TMX4: variants seen among roughly 807,000 people sequenced by gnomAD.
The protein encoded by TMX4 is thioredoxin-related transmembrane protein 4.
Under a neutral mutation model 33.3 loss-of-function variants are expected in TMX4, and 23 were observed. The observed-to-expected ratio is 0.69, with a 90% CI of 0.50 to 0.98. TMX4 has a LOEUF of 0.98. Among genes scored for constraint, TMX4 ranks in the 50% least tolerant of loss-of-function variants. The probability of loss-of-function intolerance (pLI) is 0.00; values close to 1 mark genes in which losing one functional copy is unlikely to be tolerated. For missense variants in TMX4, 399 were observed against 448.9 expected (o/e 0.89, Z 1.01); for synonymous variants, 164 against 161.5 (o/e 1.02, Z -0.12).
In TMX4 at chr20:7,999,721, A is replaced by T. The variant is rs1281556195; in HGVS notation, c.467+11T>A. The T allele has an allele frequency of 1.2e-6, 2 of 1,607,156 alleles. No individual in the cohort carries two copies. Among genetic ancestry groups the T allele is most frequent in the Non-Finnish European group, 1.7e-6 (2 of 1,178,102 alleles). On this transcript the variant is annotated intron_variant, in intron 4 of 7. Transcript: ENST00000246024. ...TTATTAGTAACACCTTGTCTTAAAA[A>T]ATTGAGTTACGTTAGAGAAGCCGGG...
In TMX4 at chr20:8,017,373, A is replaced by C. The variant is rs750685202; in HGVS notation, c.176+2065T>G. On this transcript the variant is annotated intron_variant, in intron 1 of 7. Coordinates refer to ENST00000246024, the MANE Select transcript of TMX4 (RefSeq NM_021156.4). ...CAGATTACAAGACTCATCTGGCATC[A>C]CAGGCCAAGCATATTCCATACAACT... Among the ~76,000 whole-genome samples, 4 of 152,238 alleles carry C rather than the reference A, an allele frequency of 2.6e-5. No homozygotes were observed. In the East Asian group the frequency reaches 7.7e-4, roughly 29 times the overall value.
chr20:7,985,736 G>C (rs1027351732), intron 6 of TMX4, among the ~76,000 whole-genome samples: 22 of 151,996 alleles, frequency 1.4e-4, no homozygotes, highest in African/African-American at 5.1e-4. Flanking sequence ...TTCTTATTAA[G>C]GAAGGGTAGT....
rs2050595830 is a variant in TMX4, at chr20:7,979,529, C to T, written c.*2722G>A. 1 of 151,798 alleles carries T rather than the reference C, an allele frequency of 6.6e-6. No homozygotes were observed. Among genetic ancestry groups the T allele is most frequent in the African/African-American group, 2.4e-5 (1 of 41,306 alleles). The allele number at this position is 151,798 out of a possible 1,614,324, so 9.4% of individuals were successfully genotyped here. On this transcript the variant is annotated 3_prime_UTR_variant, in exon 8 of 8. Transcript: ENST00000246024. ...CTGAGGCGGGCGGATCACCTGAGGTCAGGAGTTCAAGACCAGTCTGACCAA... is the reference window on the plus strand; with the variant it reads ...CTGAGGCGGGCGGATCACCTGAGGTTAGGAGTTCAAGACCAGTCTGACCAA...
rs370279542 is a variant in TMX4 at position 7,995,236 on chromosome 20, A to G, written c.513+790T>C. 8.5e-5 allele frequency among the ~76,000 whole-genome samples: 13 copies of G among 152,178 alleles called. No homozygotes were observed. The East Asian group carries it at 1.5e-3, about 18-fold the overall frequency. ...ATAACCTACAATCATAGCATAGAAA[A>G]GACATATATAGGGAGACTCGCTTCT... On this transcript the variant is annotated intron_variant, in intron 5 of 7. Transcript: ENST00000246024.
In TMX4 at chr20:7,999,994, CAT is replaced by C. The variant is rs2050697442; in HGVS notation, c.339-136_339-135del. Reference sequence around the variant, plus strand: ...TAAATTGACTCAATTGAAAAATATACATAGAGATAAATCAGAAAGAGTTAATA... The same window carrying C: ...TAAATTGACTCAATTGAAAAATATACAGAGATAAATCAGAAAGAGTTAATA... On this transcript the variant is annotated intron_variant, in intron 3 of 7. Coordinates refer to ENST00000246024, the MANE Select transcript of TMX4 (RefSeq NM_021156.4). 5.5e-6 allele frequency: 5 copies of C among 902,082 alleles called. No individual in the cohort carries two copies. The South Asian group carries it at 9.3e-5, about 17-fold the overall frequency. 55.9% of individuals were successfully genotyped at this position (902,082 alleles called of 1,614,324 possible).
At chr20:7,995,239 C>T (rs1229906763) in intron 5 of TMX4, among the ~76,000 whole-genome samples, 1 of 152,102 alleles carries the variant, frequency 6.6e-6, no homozygotes, top group Admixed American at 6.6e-5. Context: ...ATAGAAAAGA[C>T]ATATATAGGG....
intron 2 of TMX4, among the ~76,000 whole-genome samples, chr20:8,002,091 C>T (rs891466361): frequency 5.7e-4 from 86 of 152,022 alleles, no homozygotes; most frequent in African/African-American, 1.9e-3. Context: ...TCTGTAAGTA[C>T]CGTAAAGGGA....
intron 1 of TMX4, among the ~76,000 whole-genome samples, chr20:8,016,401 A>G (rs2050775713): frequency 6.6e-6 from 1 of 152,218 alleles, no homozygotes. Flanking sequence ...ATAAGCCCAT[A>G]GCATTAAAGA....
chr20:7,994,154 A>G (rs892007687), intron 5 of TMX4, among the ~76,000 whole-genome samples: 7 of 152,062 alleles, frequency 4.6e-5, no homozygotes, highest in African/African-American at 1.7e-4. Flanking sequence ...TGTGTGCCAA[A>G]TTTTAGTTTA....
intron 4 of TMX4, 45 bp from the exon 5 acceptor site, chr20:7,996,116 A>T (rs773384753): frequency 2.0e-5 from 23 of 1,175,964 alleles, no homozygotes; most frequent in Middle Eastern, 2.2e-4. Context: ...TATATACTAT[A>T]AAAAAAAAAT....
chr20:7,999,709 C>G, intron 4 of TMX4, 23 bp downstream of exon 4: 1 of 1,605,150 alleles, frequency 6.2e-7, no homozygotes, highest in East Asian at 2.2e-5. Context: ...TTAGTAACAC[C>G]TTGTCTTAAA....
At position 8,001,497 on chromosome 20, in the gene TMX4, GA is replaced by G; in HGVS notation, c.336del (p.His113MetfsTer24). On this transcript the variant is annotated frameshift_variant and splice_region_variant, in exon 3 of 8. Coordinates refer to ENST00000246024, the MANE Select transcript of TMX4 (RefSeq NM_021156.4). LOFTEE classifies it high-confidence loss of function. ...RFFVTTLPAF[F>X]HAKDGIFRRY... ...GATTAGAAGATTATTTAAACTTACT[GA>G]AAAAATGCTGGGAGAGTGGTGACAA... is the stretch of plus-strand genomic sequence containing the variant. 1.3e-6 allele frequency: 2 copies of G among 1,594,620 alleles called. No individual in the cohort carries two copies. The highest frequency in any genetic ancestry group is 1.7e-6 in the Non-Finnish European group (2 of 1,168,242).
At chr20:7,985,278 T>TATA (rs1491289875) in intron 6 of TMX4, among the ~76,000 whole-genome samples, 735 of 51,118 alleles carry the variant, frequency 0.014, 5 homozygotes, top group African/African-American at 0.069. Context: ...TATATATATA[T>TATA]TTTTTTTTTT....
intron 2 of TMX4, among the ~76,000 whole-genome samples, chr20:8,002,629 A>T (rs1762906903): frequency 6.6e-6 from 1 of 152,192 alleles, no homozygotes; most frequent in Non-Finnish European, 1.5e-5. Context: ...AATGTGGACA[A>T]AATCAAATAT....
chr20:8,007,502 A>C (rs528942736), intron 2 of TMX4, among the ~76,000 whole-genome samples: 4 of 152,318 alleles, frequency 2.6e-5, no homozygotes, highest in Admixed American at 1.3e-4. Context: ...ATCATATCAT[A>C]TCTCTCTCCT....
At chr20:8,001,103 C>G (rs1162619209) in intron 3 of TMX4, among the ~76,000 whole-genome samples, 1 of 152,166 alleles carries the variant, frequency 6.6e-6, no homozygotes, top group Non-Finnish European at 1.5e-5. Context: ...CCAGCTATAC[C>G]TGTGGTCCAG....
intron 2 of TMX4, 48 bp from the exon 3 acceptor site, chr20:8,001,589 A>T: frequency 6.5e-7 from 1 of 1,538,490 alleles, no homozygotes; most frequent in African/African-American, 1.4e-5. Context: ...GTCCTCCAAA[A>T]AAAGCATTCT....
intron 1 of TMX4, among the ~76,000 whole-genome samples, chr20:8,017,794 C>G (rs1052409627): frequency 4.6e-5 from 7 of 150,914 alleles, no homozygotes; most frequent in African/African-American, 1.4e-4. Flanking sequence ...AGTCTTAACA[C>G]AGCTCCACTT....
intron 1 of TMX4, among the ~76,000 whole-genome samples, chr20:8,017,981 T>G (rs2050783216): frequency 6.6e-6 from 1 of 152,062 alleles, no homozygotes; most frequent in African/African-American, 2.4e-5. Flanking sequence ...GACTAAGAGG[T>G]AAATGCACAT....
Sources: allele counts gnomAD v4.1 joint callset (sites outside exome capture counted in the v4.1 genomes callset), GRCh38; gene constraint gnomAD v4.1.1; transcripts MANE v1.5; gene names NCBI Gene and HGNC (gene_info 2026-07-23, HGNC 2026-07-21).